SCAPER: variants seen among roughly 807,000 people sequenced by gnomAD.
SCAPER encodes the protein S-phase cyclin A associated protein in the ER.
In SCAPER, 98 loss-of-function variants were observed where a neutral mutation model predicts 182.2. The observed-to-expected ratio is 0.54, with a 90% CI of 0.46 to 0.64. The LOEUF (loss-of-function observed/expected upper bound fraction) is 0.64. Among genes scored for constraint, SCAPER ranks in the 30% least tolerant of loss-of-function variants. The pLI is 0.00. For synonymous variants in SCAPER, 605 were observed against 564.6 expected (o/e 1.07, Z -1.01); for missense variants, 1,432 against 1,690.0 (o/e 0.85, Z 2.68).
chr15:76,450,774 C>T (rs1356716304), intron 25 of SCAPER, among the ~76,000 whole-genome samples: 1 of 152,130 alleles, frequency 6.6e-6, no homozygotes, highest in African/African-American at 2.4e-5. Flanking sequence ...AGGCTGGTCT[C>T]GAACTCCTGG....
At chr15:76,563,966 C>G (rs976191273) in intron 23 of SCAPER, among the ~76,000 whole-genome samples, 2 of 152,122 alleles carry the variant, frequency 1.3e-5, no homozygotes, top group Non-Finnish European at 2.9e-5. Context: ...AATTCAACAT[C>G]CCTTCATGTT....
chr15:76,488,714 C>CTT lies in SCAPER; in HGVS notation c.2954+16143_2954+16144dup, dbSNP rs71143333. 2.0e-3 allele frequency among the ~76,000 whole-genome samples: 186 copies of CTT among 93,126 alleles called. 36 individuals carry two copies. Among genetic ancestry groups the CTT allele is most frequent in the African/African-American group, 6.6e-3 (138 of 20,940 alleles). The allele number at this position is 93,126 out of a possible 152,430, so 61.1% of individuals were successfully genotyped here. On this transcript the variant is annotated intron_variant, in intron 24 of 31. Coordinates refer to ENST00000563290, the MANE Select transcript of SCAPER (RefSeq NM_020843.4). The stretch of plus-strand genomic sequence containing the variant: ...TTGCATCCTGATAACAGTACACTGC[C>CTT]TTTTTTTTTTTTTTTTTTTTTTTTT...
At chr15:76,760,947 T>G (rs1474296357) in intron 14 of SCAPER, among the ~76,000 whole-genome samples, 1 of 152,194 alleles carries the variant, frequency 6.6e-6, no homozygotes, top group East Asian at 1.9e-4. Flanking sequence ...TACTTCTCCT[T>G]TATATGTTTC....
intron 20 of SCAPER, among the ~76,000 whole-genome samples, chr15:76,671,551 C>T (rs1435601761): frequency 1.2e-4 from 18 of 152,064 alleles, no homozygotes; most frequent in Non-Finnish European, 1.8e-4. Context: ...GGGCAGATCA[C>T]AAGGTCAGGA....
intron 1 of SCAPER, among the ~76,000 whole-genome samples, chr15:76,903,874 G>A (rs548964635): frequency 2.6e-5 from 4 of 152,246 alleles, no homozygotes; most frequent in African/African-American, 9.6e-5. Flanking sequence ...CTACTTTACA[G>A]ATAAGAAAGG....
chr15:76,590,586 G>C (rs1489775718), intron 22 of SCAPER, among the ~76,000 whole-genome samples: 1 of 152,148 alleles, frequency 6.6e-6, no homozygotes, highest in East Asian at 1.9e-4. Context: ...TATAATGTTG[G>C]TGGGAATGTA....
At chr15:76,858,769 A>G (rs2151868452) in intron 3 of SCAPER, among the ~76,000 whole-genome samples, 1 of 152,278 alleles carries the variant, frequency 6.6e-6, no homozygotes, top group African/African-American at 2.4e-5. Flanking sequence ...AATGATCTCC[A>G]GCTCCATCCA....
intron 26 of SCAPER, among the ~76,000 whole-genome samples, chr15:76,426,435 G>A (rs2046435789): frequency 1.3e-5 from 2 of 152,154 alleles, no homozygotes; most frequent in African/African-American, 2.4e-5. Context: ...CTCCTGGTGT[G>A]CCATTTGCTC....
At chr15:76,615,356 G>A (rs571636602) in intron 22 of SCAPER, among the ~76,000 whole-genome samples, 1 of 151,918 alleles carries the variant, frequency 6.6e-6, no homozygotes, top group African/African-American at 2.4e-5. Context: ...TGAAGTGGGA[G>A]GATCCTTTGA....
intron 23 of SCAPER, among the ~76,000 whole-genome samples, chr15:76,553,400 G>T (rs2045937974): frequency 6.6e-6 from 1 of 152,184 alleles, no homozygotes; most frequent in African/African-American, 2.4e-5. Context: ...ACACCCCGCA[G>T]TGTCACCACA....
chr15:76,877,185 T>TG (rs1041697152), intron 2 of SCAPER, among the ~76,000 whole-genome samples: 1 of 150,076 alleles, frequency 6.7e-6, no homozygotes, highest in African/African-American at 2.5e-5. Context: ...CACTCTTGCC[T>TG]GGGTGACAGA....
chr15:76,631,336 T>C (rs2053089398), intron 21 of SCAPER, among the ~76,000 whole-genome samples: 1 of 152,234 alleles, frequency 6.6e-6, no homozygotes, highest in African/African-American at 2.4e-5. Flanking sequence ...GTCATCACAA[T>C]GCTTACTGGC....
chr15:76,660,835 C>T (rs1177407364), intron 21 of SCAPER, among the ~76,000 whole-genome samples: 2 of 151,098 alleles, frequency 1.3e-5, no homozygotes, highest in African/African-American at 2.4e-5. Flanking sequence ...ATAAATTTAC[C>T]AAAAAAACTA....
intron 23 of SCAPER, among the ~76,000 whole-genome samples, chr15:76,533,306 C>A (rs1223079774): frequency 6.6e-6 from 1 of 152,174 alleles, no homozygotes; most frequent in Non-Finnish European, 1.5e-5. Context: ...CAACAATTGG[C>A]AGCATATACA....
intron 23 of SCAPER, among the ~76,000 whole-genome samples, chr15:76,526,599 A>G (rs979963378): frequency 1.3e-5 from 2 of 152,052 alleles, no homozygotes; most frequent in Admixed American, 6.6e-5. Flanking sequence ...CACACTTTTT[A>G]TCTGTTCTTC....
intron 4 of SCAPER, among the ~76,000 whole-genome samples, chr15:76,855,457 C>CAAAAAAAAAAAAAAAAAAA (rs34226154): frequency 4.3e-5 from 5 of 116,324 alleles, no homozygotes; most frequent in African/African-American, 1.1e-4. Context: ...TTCTGCACAG[C>CAAAAAAAAAAAAAAAAAAA]AAAAAAAAAA....
At chr15:76,807,304 T>A (rs1049863904) in intron 5 of SCAPER, among the ~76,000 whole-genome samples, 1 of 152,232 alleles carries the variant, frequency 6.6e-6, no homozygotes, top group Non-Finnish European at 1.5e-5. Flanking sequence ...ACTGAGATAA[T>A]CTGTGATCTT....
intron 1 of SCAPER, among the ~76,000 whole-genome samples, chr15:76,892,737 T>C (rs2074231620): frequency 6.6e-6 from 1 of 152,174 alleles, no homozygotes; most frequent in East Asian, 1.9e-4. Flanking sequence ...TGTCAATTAG[T>C]TCAACCATTG....
At chr15:76,900,145 C>G (rs541478490) in intron 1 of SCAPER, among the ~76,000 whole-genome samples, 1 of 152,088 alleles carries the variant, frequency 6.6e-6, no homozygotes, top group South Asian at 2.1e-4. Context: ...AGGCAGCATG[C>G]TCGTTAAGAG....
Sources: allele counts gnomAD v4.1 joint callset (sites outside exome capture counted in the v4.1 genomes callset), GRCh38; gene constraint gnomAD v4.1.1; transcripts MANE v1.5; gene names NCBI Gene and HGNC (gene_info 2026-07-23, HGNC 2026-07-21).